Variants in NDUFA9 observed in about 807,000 individuals in gnomAD.
NDUFA9 encodes the protein NADH:ubiquinone oxidoreductase subunit A9.
Under a neutral mutation model 45.9 loss-of-function variants are expected in NDUFA9, and 23 were observed. That is an observed-to-expected ratio of 0.50 (90% CI 0.36 to 0.71). The LOEUF (loss-of-function observed/expected upper bound fraction) is 0.71. Among genes scored for constraint, NDUFA9 ranks in the 30% least tolerant of loss-of-function variants. The probability of loss-of-function intolerance (pLI) is 0.00; values close to 1 mark genes in which losing one functional copy is unlikely to be tolerated. For missense variants in NDUFA9, 466 were observed against 488.2 expected (o/e 0.95, Z 0.43); for synonymous variants, 176 against 170.5 (o/e 1.03, Z -0.25).
intron 1 of NDUFA9, 74 bp downstream of exon 1, chr12:4,649,249 G>T: frequency 6.6e-7 from 1 of 1,516,444 alleles, no homozygotes; most frequent in Non-Finnish European, 9.0e-7. Flanking sequence ...AAGTGGCACC[G>T]TGCTGCAGCG....
intron 8 of NDUFA9, among the ~76,000 whole-genome samples, chr12:4,677,931 A>G (rs1468196386): frequency 6.6e-6 from 1 of 152,246 alleles, no homozygotes; most frequent in Non-Finnish European, 1.5e-5. Context: ...AATGTGCCAC[A>G]TATACACCAT....
intron 1 of NDUFA9, among the ~76,000 whole-genome samples, chr12:4,651,852 A>G (rs554901901): frequency 1.1e-4 from 17 of 152,282 alleles, no homozygotes; most frequent in South Asian, 6.2e-4. Flanking sequence ...CTTTCCACGT[A>G]ATTTGCTGCC....
chr12:4,677,217 A>G (rs919934274), intron 8 of NDUFA9, among the ~76,000 whole-genome samples: 3 of 152,224 alleles, frequency 2.0e-5, no homozygotes, highest in African/African-American at 7.2e-5. Flanking sequence ...AAGCTAGGCA[A>G]TACCATTCAG....
At chr12:4,659,743 G>A (rs898194692) in intron 5 of NDUFA9, among the ~76,000 whole-genome samples, 3 of 152,158 alleles carry the variant, frequency 2.0e-5, no homozygotes, top group Non-Finnish European at 2.9e-5. Flanking sequence ...TATCAGGGAC[G>A]CAGAAGGGAT....
chr12:4,665,718 A>G (rs919622660), intron 6 of NDUFA9, among the ~76,000 whole-genome samples: 2 of 150,292 alleles, frequency 1.3e-5, no homozygotes, highest in African/African-American at 4.9e-5. Context: ...CACTTTCTCC[A>G]GATCTTTGTC....
At chr12:4,685,780 A>G (rs1399219960) in intron 10 of NDUFA9, among the ~76,000 whole-genome samples, 1 of 152,138 alleles carries the variant, frequency 6.6e-6, no homozygotes, top group Non-Finnish European at 1.5e-5. Flanking sequence ...AAGGTTATCC[A>G]CAATCTCCAG....
intron 4 of NDUFA9, 69 bp from the exon 5 acceptor site, chr12:4,658,966 CT>C (rs1329024339): frequency 3.1e-5 from 45 of 1,433,980 alleles, no homozygotes; most frequent in Non-Finnish European, 4.3e-5. Context: ...TGAAAACCAT[CT>C]TATCACGTAA....
At chr12:4,663,392 T>G (rs1217797381) in intron 6 of NDUFA9, among the ~76,000 whole-genome samples, 1 of 152,248 alleles carries the variant, frequency 6.6e-6, no homozygotes, top group Non-Finnish European at 1.5e-5. Context: ...GTTGAAGCCT[T>G]AACACCATTG....
rs561785864 is a variant in NDUFA9 at position 4,685,924 on chromosome 12, C to A, written c.963+599C>A. Among the ~76,000 whole-genome samples the A allele has an allele frequency of 2.0e-5, 3 of 152,244 alleles. No individual in the cohort carries two copies. The East Asian group carries it at 5.8e-4, about 29-fold the overall frequency. On this transcript the variant is annotated intron_variant, in intron 10 of 10. Coordinates refer to ENST00000266544, the MANE Select transcript of NDUFA9 (RefSeq NM_005002.5). ...ACATCTACCTTGGAAGACCTATGGA[C>A]CATATATTGGCAAGAAGTAGCCAAA...
rs538212340 is a variant in NDUFA9 at position 4,690,237 on chromosome 12, G to T, written c.*3129G>T. 16 of 152,292 alleles carry T rather than the reference G, an allele frequency of 1.1e-4. No individual in the cohort carries two copies. The highest frequency in any genetic ancestry group is 3.9e-4 in the African/African-American group (16 of 41,556). The allele number at this position is 152,292 out of a possible 1,614,324, so 9.4% of individuals were successfully genotyped here. On this transcript the variant is annotated 3_prime_UTR_variant, in exon 11 of 11. Coordinates refer to ENST00000266544, the MANE Select transcript of NDUFA9 (RefSeq NM_005002.5). Reference sequence around the variant, plus strand: ...GACTGTAAACCCATCCCATTATCATGTTTTCTTCCTCATTTACCTACATTT... The same window carrying T: ...GACTGTAAACCCATCCCATTATCATTTTTTCTTCCTCATTTACCTACATTT...
At chr12:4,656,107 A>G in intron 3 of NDUFA9, among the ~76,000 whole-genome samples, 1 of 152,214 alleles carries the variant, frequency 6.6e-6, no homozygotes, top group East Asian at 1.9e-4. Flanking sequence ...ATTCATACAG[A>G]TTATTTGTAA....
chr12:4,683,652 A>G (rs1456122373), intron 9 of NDUFA9, among the ~76,000 whole-genome samples: 2 of 152,222 alleles, frequency 1.3e-5, no homozygotes, highest in African/African-American at 2.4e-5. Context: ...TAAGGAGAGT[A>G]TGTGGAGTGA....
rs1024650250 is a variant in NDUFA9 at position 4,693,831 on chromosome 12, C to T, written c.*6723C>T. ...TAGTAAGAAATTTGAATTAAGGAAT[C>T]GTAAGGGAATCGAGATTATCTAGTT... is the stretch of plus-strand genomic sequence containing the variant. On this transcript the variant is annotated 3_prime_UTR_variant, in exon 11 of 11. Transcript: ENST00000266544. The T allele has an allele frequency of 7.2e-5, 11 of 152,192 alleles. No homozygotes were observed. Among genetic ancestry groups the T allele is most frequent in the South Asian group, 2.1e-4 (1 of 4,820 alleles). 9.4% of individuals were successfully genotyped at this position (152,192 alleles called of 1,614,324 possible). A position where few individuals can be genotyped will look rare whatever the true frequency, so the allele number is the denominator to read the frequency against.
intron 6 of NDUFA9, among the ~76,000 whole-genome samples, chr12:4,667,832 TA>T (rs11399779): frequency 4.7e-5 from 7 of 149,338 alleles, no homozygotes; most frequent in Admixed American, 6.7e-5. Context: ...TTAAATGGTT[TA>T]AAAAAAAAAG....
At chr12:4,686,736 G>T (rs765760813) in intron 10 of NDUFA9, among the ~76,000 whole-genome samples, 7 of 152,054 alleles carry the variant, frequency 4.6e-5, no homozygotes, top group Non-Finnish European at 1.0e-4. Context: ...TGGTGATCTC[G>T]CCCTCTTTTG....
chr12:4,657,710 C>A, intron 3 of NDUFA9, 38 bp from the exon 4 acceptor site: 1 of 1,464,938 alleles, frequency 6.8e-7, no homozygotes, highest in Non-Finnish European at 9.5e-7. Flanking sequence ...CTGAGGTATA[C>A]CCCTATGTTT....
intron 7 of NDUFA9, 127 bp downstream of exon 7, chr12:4,668,651 T>A (rs1945867603): frequency 6.0e-6 from 5 of 836,032 alleles, no homozygotes; most frequent in Non-Finnish European, 9.9e-6. Flanking sequence ...GTCAGCTAGC[T>A]GCCTCTTAGT....
chr12:4,684,729 T>TA (rs1945974042), intron 9 of NDUFA9, among the ~76,000 whole-genome samples: 1 of 152,106 alleles, frequency 6.6e-6, no homozygotes, highest in African/African-American at 2.4e-5. Context: ...GTAATGAAGA[T>TA]AGGTGGCCTT....
chr12:4,666,442 A>G (rs1945853600), intron 6 of NDUFA9, among the ~76,000 whole-genome samples: 1 of 152,130 alleles, frequency 6.6e-6, no homozygotes, highest in African/African-American at 2.4e-5. Context: ...TTAGTATTGT[A>G]TCTAAGGAGT....
Sources: gnomAD v4.1 joint callset for allele counts (sites outside exome capture counted in the v4.1 genomes callset) on GRCh38, gnomAD v4.1.1 for gene constraint, MANE v1.5 for transcripts, NCBI Gene and HGNC (gene_info 2026-07-23, HGNC 2026-07-21) for gene names.